Variants in DACT1 observed in about 807,000 individuals in gnomAD.
DACT1 encodes dishevelled binding antagonist of beta catenin 1.
In DACT1, 19 loss-of-function variants were observed where a neutral mutation model predicts 35.3. The ratio of observed to expected loss-of-function variants is 0.54; its 90% CI spans 0.38 to 0.79. The LOEUF (loss-of-function observed/expected upper bound fraction) is 0.79. Among genes scored for constraint, DACT1 ranks in the 30% least tolerant of loss-of-function variants. The pLI, the probability that DACT1 is intolerant of heterozygous loss-of-function variation, is 0.00. For synonymous variants in DACT1, 545 were observed against 466.7 expected, an observed-to-expected ratio of 1.17 and a Z score of -2.16; for missense variants, 1,143 against 1,057.5, an observed-to-expected ratio of 1.08 and a Z score of -1.12.
Position 58,646,369 on chromosome 14 carries a change from C to T in DACT1, c.1635C>T (p.Ser545=), listed in dbSNP as rs1411632277. ...GHRNMGVVKN[S]SLKHRGPALQ... is the part of the protein sequence containing the mutation. ...GGAACATGGGCGTCGTGAAGAACTC[C>T]AGCCTGAAGCACCGCGGCCCAGCCC... Residue 545 remains serine (S), a synonymous_variant, in exon 4 of 4, where the codon TCC becomes TCT. Transcript: ENST00000395153. 5 of 1,604,712 alleles carry T rather than the reference C, an allele frequency of 3.1e-6. No homozygotes were observed. The highest frequency in any genetic ancestry group is 4.2e-6 in the Non-Finnish European group (5 of 1,177,816).
rs752265026 is a variant in DACT1, at chr14:58,646,691, G to A, written c.1957G>A (p.Ala653Thr). Residue 653 changes from alanine (A) to threonine (T), a missense_variant, in exon 4 of 4, where the codon GCC becomes ACC. Ala to Thr is a moderately conservative substitution (Grantham distance 58). Transcript: ENST00000395153. Reference protein sequence around the residue: ...KSSAEISYEEALRRARRGRRE... With the variant: ...KSSAEISYEETLRRARRGRRE... ...CTCGGCCGAGATTTCCTACGAAGAG[G>A]CCCTGAGGAGGGCCCGGCGCGGTCG... 1.4e-5 allele frequency: 23 copies of A among 1,612,890 alleles called. No homozygotes were observed. Among genetic ancestry groups the A allele is most frequent in the Non-Finnish European group, 1.8e-5 (21 of 1,179,910 alleles).
chr14:58,638,912 C>G (rs1566506313), intron 1 of DACT1: 1 of 1,018,032 alleles, frequency 9.8e-7, no homozygotes. Context: ...TGCAAACTCC[C>G]ACTTAAAATA....
rs2047711676 is a variant in DACT1, at chr14:58,647,999, A to T, written c.*865A>T. 1 of 167,232 alleles carries T rather than the reference A, an allele frequency of 6.0e-6. No individual in the cohort carries two copies. Among genetic ancestry groups the T allele is most frequent in the African/African-American group, 2.4e-5 (1 of 41,594 alleles). The allele number at this position is 167,232 out of a possible 1,614,324, so 10.4% of individuals were successfully genotyped here. On this transcript the variant is annotated 3_prime_UTR_variant, in exon 4 of 4. Transcript: ENST00000395153. ...TTGCTCACTGAGCGCTATGCCACCG[A>T]AGCGTTGACCTGAACATATTAGTGC...
At chr14:58,637,749 C>A (rs530733156), upstream of DACT1, among the ~76,000 whole-genome samples, 21 of 151,414 alleles carry the variant, frequency 1.4e-4, no homozygotes, top group African/African-American at 5.1e-4. Flanking sequence ...GCGAGGAGGC[C>A]CGCGAAGAGA....
At chr14:58,634,794 C>T (rs1050108878), upstream of DACT1, among the ~76,000 whole-genome samples, 1 of 152,186 alleles carries the variant, frequency 6.6e-6, no homozygotes, top group African/African-American at 2.4e-5. Flanking sequence ...GAATGATGCT[C>T]AGACTTTGGT....
Position 58,646,568 on chromosome 14 carries a change from G to T in DACT1, c.1834G>T (p.Gly612Trp), listed in dbSNP as rs747881136. The change falls in exon 4 of 4, where the codon GGG becomes TGG. Residue 612 changes from glycine to tryptophan, a missense_variant. Gly to Trp is a radical substitution (Grantham distance 184). Transcript: ENST00000395153. ...EAGVPGRPAG[G>W]GHRAGSRAHG... ...TGGTGTTCCCGGCAGGCCCGCGGGC[G>T]GGGGCCACAGGGCGGGGAGCAGGGC... is the stretch of plus-strand genomic sequence containing the variant. 2 of 1,563,608 alleles carry T rather than the reference G, an allele frequency of 1.3e-6. No homozygotes were observed. Among genetic ancestry groups the T allele is most frequent in the Admixed American group, 2.0e-5 (1 of 50,786 alleles).
At chr14:58,645,249 G>GTT (rs1566509135) in intron 3 of DACT1, 120 bp from the exon 4 acceptor site, 1 of 1,610,352 alleles carries the variant, frequency 6.2e-7, no homozygotes, top group Non-Finnish European at 8.5e-7. Context: ...ACCTTTAACT[G>GTT]TTTTTCAGAT....
At position 58,645,856 on chromosome 14, in the gene DACT1, G is replaced by C; in HGVS notation, c.1122G>C (p.Gly374=). 1.2e-6 allele frequency: 2 copies of C among 1,614,234 alleles called. No homozygotes were observed. The highest frequency in any genetic ancestry group is 1.7e-6 in the Non-Finnish European group (2 of 1,180,040). Residue 374 remains glycine (G), a synonymous_variant, in exon 4 of 4, where the codon GGG becomes GGC. Coordinates refer to ENST00000395153, the MANE Select transcript of DACT1 (RefSeq NM_001079520.2). ...PSGGIPSLNN[G]TFSPPKQWSK... is the part of the protein sequence containing the mutation. ...GCGGGATACCTTCTCTGAACAATGGGACATTCTCCCCACCGAAGCAGTGGT... is the reference window on the plus strand; with the variant it reads ...GCGGGATACCTTCTCTGAACAATGGCACATTCTCCCCACCGAAGCAGTGGT...
chr14:58,638,661 T>C (rs371248818), intron 1 of DACT1, 114 bp downstream of exon 1: 161 of 1,229,662 alleles, frequency 1.3e-4, no homozygotes, highest in East Asian at 5.1e-4. Context: ...CTCGCTGTTA[T>C]GGGACGCCCC....
At position 58,646,003 on chromosome 14, in the gene DACT1, G is replaced by A. The variant is rs763931609; in HGVS notation, c.1269G>A (p.Ser423=). The A allele has an allele frequency of 2.5e-6, 4 of 1,614,046 alleles. No individual in the cohort carries two copies. The highest frequency in any genetic ancestry group is 2.7e-5 in the African/African-American group (2 of 75,064). ...TGCCAAAAACGGCCAAGCCAGCCTC[G>A]CAAGAACATGCTCGGTGTTCCGCCA... The part of the protein sequence containing the change: ...KHLPKTAKPA[S]QEHARCSAIG... Residue 423 remains serine, a synonymous_variant, in exon 4 of 4, where the codon TCG becomes TCA. Transcript: ENST00000395153.
upstream of DACT1, among the ~76,000 whole-genome samples, chr14:58,634,435 T>C (rs1256640139): frequency 2.0e-5 from 3 of 152,238 alleles, no homozygotes. Flanking sequence ...TTCTTTCCCC[T>C]GTGTGCTCAC....
At chr14:58,645,291 A>G (rs372350857) in intron 3 of DACT1, 78 bp from the exon 4 acceptor site, 23 of 1,614,036 alleles carry the variant, frequency 1.4e-5, no homozygotes, top group Non-Finnish European at 1.9e-5. Context: ...AAAGAAGGCC[A>G]CTGTGAAGAC....
Position 58,638,501 on chromosome 14 carries a change from A to G in DACT1, c.299A>G (p.Glu100Gly), listed in dbSNP as rs761112902. 2 of 1,359,010 alleles carry G rather than the reference A, an allele frequency of 1.5e-6. No homozygotes were observed. Among genetic ancestry groups the G allele is most frequent in the Admixed American group, 3.0e-5 (1 of 32,946 alleles). 84.2% of individuals were successfully genotyped at this position (1,359,010 alleles called of 1,614,324 possible). ...GAGGCGGCGCAGCGCAGTCGCCTGGAGGAGAAGTTCTTGGAGGAGAACATC... is the reference window on the plus strand; with the variant it reads ...GAGGCGGCGCAGCGCAGTCGCCTGGGGGAGAAGTTCTTGGAGGAGAACATC... ...LGEAAQRSRL[E>G]EKFLEENILL... The change falls in exon 1 of 4, where the codon GAG becomes GGG. Residue 100 changes from glutamate to glycine, a missense_variant. Glu to Gly is a moderately conservative substitution (Grantham distance 98). Around this residue, in one of 3 missense-constraint regions of DACT1, gnomAD observed 1,054 missense variants for 958.8 expected, o/e 1.10. Coordinates refer to ENST00000395153, the MANE Select transcript of DACT1 (RefSeq NM_001079520.2).
chr14:58,639,414 G>A (rs1177779259), intron 1 of DACT1, among the ~76,000 whole-genome samples: 1 of 152,206 alleles, frequency 6.6e-6, no homozygotes, highest in Non-Finnish European at 1.5e-5. Context: ...TGTTTTCAGT[G>A]ACCTTAAAAT....
At chr14:58,637,770 A>AGGCGGGGAGG (rs1331493773), upstream of DACT1, among the ~76,000 whole-genome samples, 1 of 62,006 alleles carries the variant, frequency 1.6e-5, no homozygotes, top group East Asian at 4.4e-4. Flanking sequence ...GCGGGGGAGG[A>AGGCGGGGAGG]GGCGGGGAGG....
chr14:58,641,773 ATT>A (rs1324012963), intron 3 of DACT1, 26 bp downstream of exon 3: 1 of 1,609,740 alleles, frequency 6.2e-7, no homozygotes, highest in Admixed American at 1.7e-5. Context: ...ACTGATAGAA[ATT>A]TTTAATTGGA....
chr14:58,643,884 G>T (rs553861081), intron 3 of DACT1, among the ~76,000 whole-genome samples: 12 of 152,126 alleles, frequency 7.9e-5, no homozygotes, highest in Admixed American at 2.0e-4. Context: ...CTCTTTATTG[G>T]GGGGGGTCAT....
Position 58,638,188 on chromosome 14 carries a change from G to T in DACT1, c.-15G>T, listed in dbSNP as rs2047591355. ...CCCGGCTGCGGTGACGGCTCTCGCT[G>T]CCCGACTGGGGGCCATGAAGCCGAG... is the stretch of plus-strand genomic sequence containing the variant. On this transcript the variant is annotated 5_prime_UTR_variant, in exon 1 of 4. Coordinates refer to ENST00000395153, the MANE Select transcript of DACT1 (RefSeq NM_001079520.2). 2 of 1,298,228 alleles carry T rather than the reference G, an allele frequency of 1.5e-6. No homozygotes were observed. The highest frequency in any genetic ancestry group is 2.2e-5 in the South Asian group (1 of 46,076). The allele number at this position is 1,298,228 out of a possible 1,614,324, so 80.4% of individuals were successfully genotyped here.
At position 58,646,268 on chromosome 14, in the gene DACT1, C is replaced by T. The variant is rs1383883887; in HGVS notation, c.1534C>T (p.Leu512=). 1.9e-6 allele frequency: 3 copies of T among 1,613,564 alleles called. No individual in the cohort carries two copies. The highest frequency in any genetic ancestry group is 1.7e-5 in the Admixed American group (1 of 59,836). The change falls in exon 4 of 4, where the codon CTG becomes TTG. Residue 512 remains leucine (L), a synonymous_variant. Transcript: ENST00000395153. ...DFKSEGSSQS[L]EEAHLVKAQF... is the part of the protein sequence containing the mutation. The stretch of plus-strand genomic sequence containing the variant: ...CAAGAGCGAGGGCTCTTCCCAAAGC[C>T]TGGAGGAAGCGCACCTGGTCAAGGC...
Sources: gnomAD v4.1 joint callset for allele counts (sites outside exome capture counted in the v4.1 genomes callset) on GRCh38, gnomAD v4.1.1 for gene constraint, gnomAD v4.1.1 regional missense constraint, MANE v1.5 for transcripts, NCBI Gene and HGNC (gene_info 2026-07-23, HGNC 2026-07-21) for gene names.